Variants in VSTM4 observed in about 807,000 individuals in gnomAD.
VSTM4 encodes V-set and transmembrane domain-containing protein 4.
Under a neutral mutation model 36.4 loss-of-function variants are expected in VSTM4, and 20 were observed. The ratio of observed to expected loss-of-function variants is 0.55; its 90% CI spans 0.39 to 0.80. The LOEUF (loss-of-function observed/expected upper bound fraction) is 0.80. Ranked by LOEUF, VSTM4 falls within the 30% of genes least tolerant of loss-of-function variation. The probability of loss-of-function intolerance (pLI) is 0.00; values close to 1 mark genes in which losing one functional copy is unlikely to be tolerated. For missense variants in VSTM4, 392 were observed against 404.5 expected, an observed-to-expected ratio of 0.97 and a Z score of 0.26; for synonymous variants, 182 against 173.9, an observed-to-expected ratio of 1.05 and a Z score of -0.37.
At chr10:49,054,225 G>A (rs1385048462) in intron 5 of VSTM4, among the ~76,000 whole-genome samples, 5 of 152,214 alleles carry the variant, frequency 3.3e-5, no homozygotes, top group African/African-American at 1.2e-4. Flanking sequence ...CACTGGAACA[G>A]GAACAAGGTC....
At chr10:49,094,379 T>C (rs910663244) in intron 2 of VSTM4, among the ~76,000 whole-genome samples, 2 of 152,170 alleles carry the variant, frequency 1.3e-5, no homozygotes, top group African/African-American at 4.8e-5. Context: ...AACCAGAAGG[T>C]GATTCTTCTT....
intron 7 of VSTM4, among the ~76,000 whole-genome samples, chr10:49,029,513 G>A (rs1843313165): frequency 6.6e-6 from 1 of 152,194 alleles, no homozygotes; most frequent in South Asian, 2.1e-4. Flanking sequence ...TACAGGTGGT[G>A]TCTGGATTCA....
chr10:49,073,580 A>G (rs1384817997), intron 4 of VSTM4, among the ~76,000 whole-genome samples: 2 of 152,100 alleles, frequency 1.3e-5, no homozygotes, highest in African/African-American at 2.4e-5. Flanking sequence ...CTCCAATTCA[A>G]TGGACCTGGG....
chr10:49,071,910 C>A (rs563690887), intron 4 of VSTM4, among the ~76,000 whole-genome samples: 1 of 152,324 alleles, frequency 6.6e-6, no homozygotes, highest in African/African-American at 2.4e-5. Context: ...AAACCATGAA[C>A]AGAACAAGGG....
At chr10:49,050,221 G>A (rs1843676524) in intron 5 of VSTM4, among the ~76,000 whole-genome samples, 1 of 152,034 alleles carries the variant, frequency 6.6e-6, no homozygotes, top group Non-Finnish European at 1.5e-5. Flanking sequence ...AAAAATAAGG[G>A]GAAATAAGAA....
At chr10:49,101,264 T>C (rs1305158770) in intron 2 of VSTM4, among the ~76,000 whole-genome samples, 1 of 151,880 alleles carries the variant, frequency 6.6e-6, no homozygotes, top group East Asian at 1.9e-4. Context: ...AAATGTGAAA[T>C]ATCTATACGG....
chr10:49,062,869 A>G (rs1843904013), intron 5 of VSTM4, among the ~76,000 whole-genome samples: 1 of 152,112 alleles, frequency 6.6e-6, no homozygotes, highest in Admixed American at 6.5e-5. Flanking sequence ...ATCCACTGAC[A>G]TCTCCACTCT....
Position 49,018,537 on chromosome 10 carries a change from A to G in VSTM4, c.*1113T>C, listed in dbSNP as rs182201163. The G allele has an allele frequency of 6.6e-6, 1 of 152,338 alleles. No individual in the cohort carries two copies. Among genetic ancestry groups the G allele is most frequent in the Admixed American group, 6.5e-5 (1 of 15,306 alleles). The allele number at this position is 152,338 out of a possible 1,614,324, so 9.4% of individuals were successfully genotyped here. ...GGCAGTAAATAGCCACCCAGACTAT[A>G]CTCACATCAAGAAATGTCCTCAATA... On this transcript the variant is annotated 3_prime_UTR_variant, in exon 8 of 8. Transcript: ENST00000332853.
chr10:49,044,154 C>T (rs1018255886), intron 7 of VSTM4, among the ~76,000 whole-genome samples: 4 of 152,014 alleles, frequency 2.6e-5, no homozygotes, highest in Non-Finnish European at 4.4e-5. Context: ...ATGGTGAAAC[C>T]CCAACTCTAC....
At chr10:49,064,471 AGCCT>A in intron 5 of VSTM4, 1 of 532,198 alleles carries the variant, frequency 1.9e-6, no homozygotes, top group South Asian at 2.1e-5. Flanking sequence ...TCCTCCAGCA[AGCCT>A]GCTGGGCCAG....
chr10:49,112,974 G>A (rs980033638), intron 1 of VSTM4, among the ~76,000 whole-genome samples: 2 of 152,348 alleles, frequency 1.3e-5, no homozygotes, highest in Middle Eastern at 3.4e-3. Flanking sequence ...ACTTCCAGGT[G>A]AGGGAGTAAG....
In VSTM4 at chr10:49,034,300, G is replaced by T. The variant is rs542781800; in HGVS notation, c.837+12683C>A. Among the ~76,000 whole-genome samples, 24 of 152,224 alleles carry T rather than the reference G, an allele frequency of 1.6e-4. No homozygotes were observed. In the South Asian group the frequency reaches 4.6e-3, roughly 29 times the overall value. On this transcript the variant is annotated intron_variant, in intron 7 of 7. Coordinates refer to ENST00000332853, the MANE Select transcript of VSTM4 (RefSeq NM_001031746.5). Reference sequence around the variant, plus strand: ...TATCATCATCATCACAGTAGTGTTAGGTCATAGACATGATGTACAGGGCAC... The same window carrying T: ...TATCATCATCATCACAGTAGTGTTATGTCATAGACATGATGTACAGGGCAC...
intron 7 of VSTM4, among the ~76,000 whole-genome samples, chr10:49,020,517 AATAAG>A (rs1434455540): frequency 6.6e-6 from 1 of 151,276 alleles, no homozygotes; most frequent in African/African-American, 2.4e-5. Flanking sequence ...TAAAATAAAA[AATAAG>A]ATAAGAGACA....
chr10:49,088,375 T>C (rs1844410843), intron 2 of VSTM4, among the ~76,000 whole-genome samples: 2 of 152,248 alleles, frequency 1.3e-5, no homozygotes, highest in African/African-American at 2.4e-5. Context: ...TGACCTTGCA[T>C]GTGATCTAAG....
chr10:49,096,060 C>T (rs955800034), intron 2 of VSTM4, among the ~76,000 whole-genome samples: 1 of 152,198 alleles, frequency 6.6e-6, no homozygotes, highest in African/African-American at 2.4e-5. Context: ...CTTTGAGTGT[C>T]TGGACCTGTT....
At chr10:49,105,034 C>CA (rs11415295) in intron 2 of VSTM4, among the ~76,000 whole-genome samples, 147,520 of 147,962 alleles carry the variant, frequency 1, 73,540 homozygotes, top group Non-Finnish European at 1. Context: ...GGGAGAGAGA[C>CA]CAGAGAGACA....
At chr10:49,054,232 G>T (rs1843741589) in intron 5 of VSTM4, among the ~76,000 whole-genome samples, 1 of 152,182 alleles carries the variant, frequency 6.6e-6, no homozygotes, top group Non-Finnish European at 1.5e-5. Flanking sequence ...ACAGGAACAA[G>T]GTCAATAGAG....
In VSTM4 at chr10:49,030,686, T is replaced by G. The variant is rs1843332554; in HGVS notation, c.838-10911A>C. 2.6e-5 allele frequency among the ~76,000 whole-genome samples: 4 copies of G among 152,334 alleles called. 1 individual carries two copies. The South Asian group carries it at 8.3e-4, about 32-fold the overall frequency. On this transcript the variant is annotated intron_variant, in intron 7 of 7. Coordinates refer to ENST00000332853, the MANE Select transcript of VSTM4 (RefSeq NM_001031746.5). The stretch of plus-strand genomic sequence containing the variant: ...TGAGTCCAAAAAGTACACAGGATGT[T>G]CAGCAAAGTGCGTCCTCAGAATGGA...
intron 2 of VSTM4, among the ~76,000 whole-genome samples, chr10:49,094,184 A>G (rs1844530044): frequency 6.6e-6 from 1 of 152,182 alleles, no homozygotes; most frequent in African/African-American, 2.4e-5. Flanking sequence ...CTGCCCAGCA[A>G]CAGTCCTTCC....
Sources: allele counts gnomAD v4.1 joint callset (sites outside exome capture counted in the v4.1 genomes callset), GRCh38; gene constraint gnomAD v4.1.1; transcripts MANE v1.5; gene names NCBI Gene and HGNC (gene_info 2026-07-23, HGNC 2026-07-21).